Variants in C10orf90 observed in about 807,000 individuals in gnomAD.
C10orf90 encodes (E2-independent) E3 ubiquitin-conjugating enzyme FATS.
In C10orf90, 56 loss-of-function variants were observed where a neutral mutation model predicts 62.5. That is an observed-to-expected ratio of 0.90 (90% CI 0.72 to 1.12). C10orf90 has a LOEUF of 1.12. Ranked by LOEUF, C10orf90 falls within the 50% of genes most tolerant of loss-of-function variation. C10orf90 has a pLI of 0.00. For synonymous variants in C10orf90, 386 were observed against 340.4 expected (o/e 1.13, Z -1.47); for missense variants, 970 against 880.4 (o/e 1.10, Z -1.29).
At chr10:126,438,289 A>G (rs1258131669) in intron 7 of C10orf90, among the ~76,000 whole-genome samples, 1 of 152,212 alleles carries the variant, frequency 6.6e-6, no homozygotes, top group Non-Finnish European at 1.5e-5. Flanking sequence ...ACTTTCTGAC[A>G]GTGCCAGATT....
intron 2 of C10orf90, among the ~76,000 whole-genome samples, chr10:126,573,615 C>T (rs781338016): frequency 6.6e-6 from 1 of 152,110 alleles, no homozygotes; most frequent in Non-Finnish European, 1.5e-5. Context: ...CCTTCCACAG[C>T]CCCCACACTT....
chr10:126,668,424 G>A (rs1342411016), intron 1 of C10orf90, among the ~76,000 whole-genome samples: 1 of 152,154 alleles, frequency 6.6e-6, no homozygotes, highest in East Asian at 1.9e-4. Flanking sequence ...GTGCTAATTG[G>A]GGTCTCTCAG....
At chr10:126,492,756 G>T (rs909771269) in intron 4 of C10orf90, among the ~76,000 whole-genome samples, 3 of 152,116 alleles carry the variant, frequency 2.0e-5, no homozygotes, top group East Asian at 1.9e-4. Flanking sequence ...GGAGTTTTTT[G>T]TAATGACAAT....
At chr10:126,443,677 G>A (rs1858548444) in intron 7 of C10orf90, among the ~76,000 whole-genome samples, 1 of 151,928 alleles carries the variant, frequency 6.6e-6, no homozygotes, top group Admixed American at 6.6e-5. Flanking sequence ...AATTCATGAA[G>A]CCAGCATCAC....
intron 2 of C10orf90, among the ~76,000 whole-genome samples, chr10:126,581,047 C>T (rs1351071967): frequency 1.3e-5 from 2 of 152,156 alleles, no homozygotes; most frequent in Non-Finnish European, 2.9e-5. Context: ...AAGGCACTCA[C>T]AGCTTGTCTG....
chr10:126,445,828 C>CAA (rs1858740165), intron 7 of C10orf90, among the ~76,000 whole-genome samples: 3 of 62,408 alleles, frequency 4.8e-5, no homozygotes, highest in Admixed American at 1.6e-4. Context: ...TATATATATA[C>CAA]AATGGAATAC....
At chr10:126,512,350 C>G (rs199552674) in intron 3 of C10orf90, among the ~76,000 whole-genome samples, 12 of 146,390 alleles carry the variant, frequency 8.2e-5, no homozygotes, top group African/African-American at 1.5e-4. Flanking sequence ...GTGTGTGTGT[C>G]TGTGTGTGTG....
chr10:126,473,062 T>A (rs193209252), intron 4 of C10orf90, among the ~76,000 whole-genome samples: 1 of 152,190 alleles, frequency 6.6e-6, no homozygotes, highest in African/African-American at 2.4e-5. Context: ...TATAGGGCAC[T>A]TGGGATGCAA....
intron 5 of C10orf90, among the ~76,000 whole-genome samples, chr10:126,464,332 G>A (rs886683774): frequency 5.3e-5 from 8 of 152,120 alleles, no homozygotes; most frequent in African/African-American, 1.9e-4. Context: ...TTAGTCACAG[G>A]GCCACAGTCA....
intron 2 of C10orf90, among the ~76,000 whole-genome samples, chr10:126,554,125 C>A (rs1372084728): frequency 6.6e-6 from 1 of 151,320 alleles, no homozygotes; most frequent in Non-Finnish European, 1.5e-5. Context: ...TGGAAATAAC[C>A]CAAATGTCCA....
chr10:126,618,988 A>G (rs1369341077), intron 2 of C10orf90, among the ~76,000 whole-genome samples: 1 of 151,060 alleles, frequency 6.6e-6, no homozygotes, highest in Admixed American at 6.6e-5. Flanking sequence ...ATGGAATACT[A>G]TGCAGCCATA....
intron 4 of C10orf90, among the ~76,000 whole-genome samples, chr10:126,482,013 T>C (rs1861187984): frequency 6.6e-6 from 1 of 152,216 alleles, no homozygotes; most frequent in Non-Finnish European, 1.5e-5. Context: ...AGACAGTCCT[T>C]ACTAGGTTTC....
chr10:126,504,183 T>C lies in C10orf90; in HGVS notation c.1308A>G (p.Leu436=). The change falls in exon 4 of 10, where the codon TTA becomes TTG. Residue 436 remains leucine (L), a synonymous_variant. Transcript: ENST00000488181. This position sits in a 1 kb window ranked among gnomAD's most constrained non-coding sequence, Gnocchi z 4.1. Reference sequence around the variant, plus strand: ...GGGTTTCCTTCAAGTGACTTTCTTGTAAACCTGGGTTCCAGCGCTGGCCTA... The same window carrying C: ...GGGTTTCCTTCAAGTGACTTTCTTGCAAACCTGGGTTCCAGCGCTGGCCTA... ...DLVGQRWNPG[L]QESHLKETPS... 1 of 1,614,144 alleles carries C rather than the reference T, an allele frequency of 6.2e-7. No homozygotes were observed. The highest frequency in any genetic ancestry group is 8.5e-7 in the Non-Finnish European group (1 of 1,180,034).
intron 2 of C10orf90, chr10:126,523,553 G>A (rs566838407): frequency 4.6e-5 from 7 of 152,180 alleles, no homozygotes; most frequent in Non-Finnish European, 7.4e-5. Context: ...TTTCTCTCAT[G>A]AGTTGTCTCA....
intron 2 of C10orf90, among the ~76,000 whole-genome samples, chr10:126,558,019 C>T (rs1354869002): frequency 5.9e-5 from 9 of 152,158 alleles, no homozygotes; most frequent in Admixed American, 2.0e-4. Flanking sequence ...GCCCTCCTAA[C>T]GCCCCTCAGA....
chr10:126,488,993 C>T (rs990958340), intron 4 of C10orf90, among the ~76,000 whole-genome samples: 10 of 152,060 alleles, frequency 6.6e-5, no homozygotes, highest in Admixed American at 2.6e-4. Context: ...AAATCTCCTT[C>T]GGAAACAGAG....
At chr10:126,648,588 A>G (rs946792712) in intron 1 of C10orf90, among the ~76,000 whole-genome samples, 4 of 152,280 alleles carry the variant, frequency 2.6e-5, no homozygotes, top group Non-Finnish European at 4.4e-5. Flanking sequence ...ATATTGGATA[A>G]TGCATAAAAA....
At chr10:126,616,320 T>C (rs1845540539) in intron 2 of C10orf90, among the ~76,000 whole-genome samples, 1 of 152,212 alleles carries the variant, frequency 6.6e-6, no homozygotes, top group African/African-American at 2.4e-5. Flanking sequence ...GTGAGTCATG[T>C]CTAGCTGTCC....
intron 2 of C10orf90, among the ~76,000 whole-genome samples, chr10:126,529,599 T>C (rs192647984): frequency 3.2e-4 from 48 of 152,320 alleles, no homozygotes; most frequent in African/African-American, 1.1e-3. Flanking sequence ...ATCATATTTT[T>C]CCCTAAGCAA....
Sources: gnomAD v4.1 joint callset for allele counts (sites outside exome capture counted in the v4.1 genomes callset) on GRCh38, gnomAD v4.1.1 for gene constraint, Gnocchi (gnomAD v3.1) non-coding constraint, MANE v1.5 for transcripts, NCBI Gene and HGNC (gene_info 2026-07-23, HGNC 2026-07-21) for gene names.